The following CSNK2A2IP variants were observed in gnomAD, a reference collection of about 807,000 sequenced individuals.
CSNK2A2IP encodes the protein casein kinase 2 subunit alpha' interacting protein.
the CSNK2A2IP span, among the ~76,000 whole-genome samples, chr3:88,348,470 G>C: frequency 6.6e-6 from 1 of 152,098 alleles, no homozygotes; most frequent in East Asian, 1.9e-4. Context: ...AGGTAATCCA[G>C]AAGACACTAT....
chr3:88,418,992 T>G, the CSNK2A2IP span, among the ~76,000 whole-genome samples: 1 of 152,210 alleles, frequency 6.6e-6, no homozygotes, highest in Admixed American at 6.5e-5. Context: ...GAACTGTGCA[T>G]GTAGGGGATC....
chr3:88,382,068 T>C, the CSNK2A2IP span, among the ~76,000 whole-genome samples: 1 of 152,222 alleles, frequency 6.6e-6, no homozygotes, highest in Non-Finnish European at 1.5e-5. Flanking sequence ...TCTCTCCCAA[T>C]CTGATTCTTC....
chr3:88,452,905 G>C, the CSNK2A2IP span, among the ~76,000 whole-genome samples: 742 of 152,164 alleles, frequency 4.9e-3, 6 homozygotes, highest in African/African-American at 0.017. Flanking sequence ...TTATGTGTAG[G>C]AATACATATC....
chr3:88,349,014 G>A, the CSNK2A2IP span, among the ~76,000 whole-genome samples: 5 of 151,668 alleles, frequency 3.3e-5, no homozygotes, highest in Non-Finnish European at 7.4e-5. Flanking sequence ...CCTAATCCAG[G>A]CTCTATTTCT....
At chr3:88,372,769 A>G in the CSNK2A2IP span, among the ~76,000 whole-genome samples, 2 of 151,448 alleles carry the variant, frequency 1.3e-5, no homozygotes, top group Non-Finnish European at 3.0e-5. Flanking sequence ...AAATATAAGT[A>G]TGTTGAAAGT....
the CSNK2A2IP span, among the ~76,000 whole-genome samples, chr3:88,383,624 G>A: frequency 2.7e-5 from 4 of 148,846 alleles, no homozygotes; most frequent in East Asian, 8.0e-4. Context: ...ATTTTGAATA[G>A]CCTATGGACA....
chr3:88,392,926 G>T, the CSNK2A2IP span, among the ~76,000 whole-genome samples: 1 of 152,120 alleles, frequency 6.6e-6, no homozygotes, highest in African/African-American at 2.4e-5. Context: ...TTAGTTGAGA[G>T]ATAGATAATT....
chr3:88,460,785 T>A, the CSNK2A2IP span, among the ~76,000 whole-genome samples: 1 of 152,164 alleles, frequency 6.6e-6, no homozygotes, highest in African/African-American at 2.4e-5. Flanking sequence ...TGTGTATGAT[T>A]CTTTTTATTA....
At chr3:88,346,083 C>T in the CSNK2A2IP span, among the ~76,000 whole-genome samples, 2 of 151,990 alleles carry the variant, frequency 1.3e-5, no homozygotes, top group Non-Finnish European at 2.9e-5. Context: ...TCAAACCAGT[C>T]ACAACATTCC....
At chr3:88,462,125 A>G in the CSNK2A2IP span, among the ~76,000 whole-genome samples, 1 of 149,312 alleles carries the variant, frequency 6.7e-6, no homozygotes, top group Non-Finnish European at 1.5e-5. Context: ...ATATATATAT[A>G]TATATATATA....
At chr3:88,343,568 G>A in the CSNK2A2IP span, among the ~76,000 whole-genome samples, 1 of 151,774 alleles carries the variant, frequency 6.6e-6, no homozygotes, top group African/African-American at 2.4e-5. Context: ...ATTGGTATAG[G>A]AATCAAACAG....
the CSNK2A2IP span, among the ~76,000 whole-genome samples, chr3:88,366,465 G>A: frequency 1.3e-5 from 2 of 152,236 alleles, no homozygotes; most frequent in Admixed American, 6.5e-5. Context: ...AAATTTTCAT[G>A]TCAACAAATA....
the CSNK2A2IP span, among the ~76,000 whole-genome samples, chr3:88,410,746 C>A: frequency 6.6e-6 from 1 of 151,878 alleles, no homozygotes; most frequent in South Asian, 2.1e-4. Context: ...GCTCTAATGA[C>A]AAGAAATCAA....
the CSNK2A2IP span, chr3:88,467,047 G>T: frequency 9.7e-7 from 1 of 1,032,982 alleles, no homozygotes; most frequent in Non-Finnish European, 1.2e-6. Context: ...CCCCACATCT[G>T]AACGGGATAT....
the CSNK2A2IP span, among the ~76,000 whole-genome samples, chr3:88,364,822 G>A: frequency 6.6e-6 from 1 of 152,078 alleles, no homozygotes; most frequent in African/African-American, 2.4e-5. Context: ...ATTTTAGACT[G>A]GATATGGAAG....
At chr3:88,349,620 A>G in the CSNK2A2IP span, among the ~76,000 whole-genome samples, 1 of 152,066 alleles carries the variant, frequency 6.6e-6, no homozygotes. Context: ...TCATTTTCAT[A>G]TAATGACTTC....
the CSNK2A2IP span, among the ~76,000 whole-genome samples, chr3:88,446,750 C>T: frequency 3.3e-5 from 5 of 152,118 alleles, no homozygotes; most frequent in African/African-American, 7.2e-5. Flanking sequence ...CTTGATTTGA[C>T]GATATACACA....
At chr3:88,363,449 AG>A in the CSNK2A2IP span, among the ~76,000 whole-genome samples, 2 of 152,208 alleles carry the variant, frequency 1.3e-5, no homozygotes, top group Non-Finnish European at 2.9e-5. Context: ...GAATACAGTT[AG>A]TATAACCATT....
At chr3:88,364,632 G>A in the CSNK2A2IP span, among the ~76,000 whole-genome samples, 6 of 152,176 alleles carry the variant, frequency 3.9e-5, no homozygotes, top group East Asian at 7.8e-4. Flanking sequence ...GTTGATTGAT[G>A]ACTTGTAAAA....
Sources: allele counts gnomAD v4.1 joint callset (sites outside exome capture counted in the v4.1 genomes callset), GRCh38; gene constraint gnomAD v4.1.1; transcripts MANE v1.5; gene names NCBI Gene and HGNC (gene_info 2026-07-23, HGNC 2026-07-21).